HIPK1: variants seen among roughly 807,000 people sequenced by gnomAD.
HIPK1 encodes the protein homeodomain-interacting protein kinase 1.
A neutral mutation model predicts 117.1 loss-of-function variants in HIPK1; 28 were observed. The observed-to-expected ratio is 0.24, with a 90% CI of 0.18 to 0.33. The LOEUF (loss-of-function observed/expected upper bound fraction) is 0.33. HIPK1 is among the 10% of genes least tolerant of loss of function. The probability of loss-of-function intolerance (pLI) is 1.00; values close to 1 mark genes in which losing one functional copy is unlikely to be tolerated. For missense variants in HIPK1, 1,122 were observed against 1,475.1 expected (o/e 0.76, Z 3.92); for synonymous variants, 605 against 562.5 (o/e 1.08, Z -1.07).
chr1:113,929,585 C>T (rs1669691328), intron 1 of HIPK1, 53 bp downstream of exon 1: 2 of 1,243,012 alleles, frequency 1.6e-6, no homozygotes, highest in Admixed American at 2.3e-5. Context: ...CGGGGCCGGC[C>T]GGGTTGAGGG....
chr1:113,929,899 C>G (rs1669731831), intron 1 of HIPK1: 1 of 986,410 alleles, frequency 1.0e-6, no homozygotes, highest in African/African-American at 1.7e-5. Flanking sequence ...CGCCTCCTCA[C>G]GGCAGCCCCA....
intron 2 of HIPK1, among the ~76,000 whole-genome samples, chr1:113,943,743 C>T (rs1558130503): frequency 6.6e-6 from 1 of 152,186 alleles, no homozygotes; most frequent in Admixed American, 6.5e-5. Context: ...ACATTCCTAC[C>T]AGCAGTGGAT....
intron 3 of HIPK1, 93 bp from the exon 4 acceptor site, chr1:113,954,558 C>T: frequency 7.5e-7 from 1 of 1,331,814 alleles, no homozygotes; most frequent in Non-Finnish European, 1.0e-6. Context: ...TTGATTTCTT[C>T]CTTTGCCTAA....
chr1:113,958,777 GAA>G (rs1375609642), intron 8 of HIPK1, among the ~76,000 whole-genome samples: 3 of 152,232 alleles, frequency 2.0e-5, no homozygotes, highest in Non-Finnish European at 2.9e-5. Flanking sequence ...CTTAAGGAAA[GAA>G]AAATCATTAT....
rs980310202 is a variant in HIPK1, at chr1:113,952,798, G to A, written c.1109G>A (p.Cys370Tyr). ...GAAATTATTCTTGGGTTACCATTTT[G>A]TGAAGCTATTGATATGTGGTCACTG... ...APEIILGLPFCEAIDMWSLGC... is the reference protein window; with the variant it reads ...APEIILGLPFYEAIDMWSLGC... The change falls in exon 3 of 16, where the codon TGT (cysteine) becomes TAT (tyrosine). Residue 370 changes from cysteine (C) to tyrosine (Y), a missense_variant. Physicochemically the swap from Cys to Tyr is radical, Grantham distance 194. Transcript: ENST00000426820. The A allele has an allele frequency of 1.3e-6, 2 of 1,495,202 alleles. No individual in the cohort carries two copies. Among genetic ancestry groups the A allele is most frequent in the East Asian group, 2.5e-5 (1 of 39,688 alleles). 92.6% of individuals were successfully genotyped at this position (1,495,202 alleles called of 1,614,324 possible). A position where few individuals can be genotyped will look rare whatever the true frequency, so the allele number is the denominator to read the frequency against.
At chr1:113,968,335 TA>T (rs1672591313) in intron 12 of HIPK1, 106 bp from the exon 13 acceptor site, 2 of 813,094 alleles carry the variant, frequency 2.5e-6, no homozygotes, top group Non-Finnish European at 4.3e-6. Flanking sequence ...GCTTAATGAT[TA>T]TGTAAAAAGG....
Position 113,971,827 on chromosome 1 carries a change from T to G in HIPK1, c.3017T>G (p.Leu1006Arg). 1 of 1,592,382 alleles carries G rather than the reference T, an allele frequency of 6.3e-7. No homozygotes were observed. Among genetic ancestry groups the G allele is most frequent in the Non-Finnish European group, 8.5e-7 (1 of 1,173,474 alleles). ...DCTVATQASG[L>R]LSNKTKPVAS... is the part of the protein sequence containing the mutation. ...ATTAAGCCTGGTGCTTTTTTAGGTC[T>G]CCTGAGCAATAAGACTAAGCCAGTC... Residue 1006 changes from leucine (L) to arginine (R), a missense_variant, in exon 15 of 16, where the codon CTC becomes CGC. Leu to Arg is a moderately radical substitution (Grantham distance 102). Coordinates refer to ENST00000426820, the MANE Select transcript of HIPK1 (RefSeq NM_198268.3).
chr1:113,973,368 C>A lies in HIPK1; in HGVS notation c.3489C>A (p.Ser1163Arg), dbSNP rs1357229924. ...AGGTCCCTGTCAGTGTTGGGCCCAGCCTCCTCACTTCTGCCAGCGTGGCCC... is the reference window on the plus strand; with the variant it reads ...AGGTCCCTGTCAGTGTTGGGCCCAGACTCCTCACTTCTGCCAGCGTGGCCC... ...VHQVPVSVGP[S>R]LLTSASVAPA... Residue 1163 changes from serine to arginine, a missense_variant, in exon 16 of 16, where the codon AGC (serine) becomes AGA (arginine). Coordinates refer to ENST00000426820, the MANE Select transcript of HIPK1 (RefSeq NM_198268.3). 2 of 1,614,152 alleles carry A rather than the reference C, an allele frequency of 1.2e-6. No homozygotes were observed. The highest frequency in any genetic ancestry group is 1.7e-6 in the Non-Finnish European group (2 of 1,180,026).
rs577699790 is a variant in HIPK1, at chr1:113,973,413, G to A, written c.3534G>A (p.Gln1178=). Reference sequence around the variant, plus strand: ...TGGCCCCTGCTCAGTACCAACACCAGTTTGCCACCCAATCCTACATTGGGT... The same window carrying A: ...TGGCCCCTGCTCAGTACCAACACCAATTTGCCACCCAATCCTACATTGGGT... ...ASVAPAQYQH[Q]FATQSYIGSS... is the part of the protein sequence containing the mutation. The change falls in exon 16 of 16, where the codon CAG becomes CAA. Residue 1178 remains glutamine (Q), a synonymous_variant. Transcript: ENST00000426820. The A allele has an allele frequency of 3.1e-6, 5 of 1,614,106 alleles. No homozygotes were observed. Among genetic ancestry groups the A allele is most frequent in the Non-Finnish European group, 4.2e-6 (5 of 1,180,004 alleles).
intron 7 of HIPK1, 107 bp from the exon 8 acceptor site, chr1:113,957,959 C>A (rs2101362176): frequency 1.2e-6 from 1 of 810,046 alleles, no homozygotes; most frequent in Non-Finnish European, 1.9e-6. Flanking sequence ...GTTAACATTA[C>A]ATTTTAAAAC....
intron 9 of HIPK1, among the ~76,000 whole-genome samples, 190 bp from the exon 10 acceptor site, chr1:113,963,197 T>C (rs1170891077): frequency 1.3e-5 from 2 of 152,232 alleles, no homozygotes; most frequent in Non-Finnish European, 2.9e-5. Context: ...TTTTAGGCCA[T>C]TGGCATTTGA....
chr1:113,947,455 A>C (rs1020128169), intron 2 of HIPK1, among the ~76,000 whole-genome samples: 3 of 152,230 alleles, frequency 2.0e-5, no homozygotes, highest in Non-Finnish European at 4.4e-5. Flanking sequence ...CTGGCAGTCA[A>C]AATATAGTTT....
rs913617457 is a variant in HIPK1, at chr1:113,973,255, A to G, written c.3376A>G (p.Thr1126Ala). 11 of 1,614,010 alleles carry G rather than the reference A, an allele frequency of 6.8e-6. No homozygotes were observed. Among genetic ancestry groups the G allele is most frequent in the African/African-American group, 2.7e-5 (2 of 74,880 alleles). ...APTSAAALGS[T>A]SSIAHLFSPQ... ...GACTTCTGCTGCTGCACTGGGCTCA[A>G]CCAGCTCCATTGCTCATCTTTTCTC... Residue 1126 changes from threonine to alanine, a missense_variant, in exon 16 of 16, where the codon ACC becomes GCC. Physicochemically the swap from Thr to Ala is moderately conservative, Grantham distance 58. Around this residue, in one of 6 missense-constraint regions of HIPK1, gnomAD observed 731 missense variants for 860.4 expected, o/e 0.85. Transcript: ENST00000426820.
chr1:113,929,818 C>T (rs1669721664), intron 1 of HIPK1: 4 of 982,688 alleles, frequency 4.1e-6, no homozygotes, highest in Non-Finnish European at 4.8e-6. Context: ...GGGCGGGGGC[C>T]GGGGCCCGGG....
chr1:113,934,257 G>T (rs1281487260), intron 1 of HIPK1, among the ~76,000 whole-genome samples: 1 of 152,208 alleles, frequency 6.6e-6, no homozygotes, highest in Non-Finnish European at 1.5e-5. Flanking sequence ...AGGTTACTGA[G>T]GGGTAAGGAC....
intron 6 of HIPK1, 100 bp from the exon 7 acceptor site, chr1:113,957,024 G>A: frequency 2.9e-6 from 3 of 1,026,682 alleles, no homozygotes; most frequent in African/African-American, 1.6e-5. Context: ...TTATCTGAAA[G>A]TGATTGGGAA....
At chr1:113,951,862 A>G (rs183368585) in intron 2 of HIPK1, among the ~76,000 whole-genome samples, 7 of 150,128 alleles carry the variant, frequency 4.7e-5, no homozygotes, top group African/African-American at 1.5e-4. Context: ...TGTCAACACC[A>G]TGTCTCTTCA....
intron 10 of HIPK1, among the ~76,000 whole-genome samples, chr1:113,963,758 T>C (rs373433091): frequency 1.1e-4 from 16 of 152,356 alleles, no homozygotes; most frequent in East Asian, 7.7e-4. Flanking sequence ...GTCTGACTGA[T>C]GGTTATGTGG....
chr1:113,947,223 A>G (rs1671041841), intron 2 of HIPK1, among the ~76,000 whole-genome samples: 1 of 152,178 alleles, frequency 6.6e-6, no homozygotes. Flanking sequence ...TCTCTGGCTC[A>G]CTGTAAATGT....
Sources: gnomAD v4.1 joint callset for allele counts (sites outside exome capture counted in the v4.1 genomes callset) on GRCh38, gnomAD v4.1.1 for gene constraint, gnomAD v4.1.1 regional missense constraint, MANE v1.5 for transcripts, NCBI Gene and HGNC (gene_info 2026-07-23, HGNC 2026-07-21) for gene names.